FRMD4A: variants seen among roughly 807,000 people sequenced by gnomAD.
FRMD4A encodes the protein FERM domain-containing protein 4A.
Under a neutral mutation model 129.1 loss-of-function variants are expected in FRMD4A, and 29 were observed. The ratio of observed to expected loss-of-function variants is 0.22; its 90% confidence interval spans 0.17 to 0.31. FRMD4A has a LOEUF of 0.31. Ranked by LOEUF, FRMD4A falls within the 10% of genes least tolerant of loss-of-function variation. FRMD4A has a pLI of 1.00. For synonymous variants in FRMD4A, 634 were observed against 571.6 expected, an observed-to-expected ratio of 1.11 and a Z score of -1.56; for missense variants, 1,272 against 1,375.8, an observed-to-expected ratio of 0.92 and a Z score of 1.19.
chr10:13,939,926 T>G (rs1422113752), intron 2 of FRMD4A, among the ~76,000 whole-genome samples: 1 of 152,204 alleles, frequency 6.6e-6, no homozygotes, highest in East Asian at 1.9e-4. Flanking sequence ...GATACACATT[T>G]GTAAGGTGTA....
At chr10:14,081,677 A>T (rs1025951809) in intron 2 of FRMD4A, among the ~76,000 whole-genome samples, 1 of 152,240 alleles carries the variant, frequency 6.6e-6, no homozygotes, top group Non-Finnish European at 1.5e-5. Flanking sequence ...TATCATGCAA[A>T]GCTCTGTGCC....
chr10:14,262,433 A>G (rs879465446), intron 2 of FRMD4A, among the ~76,000 whole-genome samples: 9 of 152,220 alleles, frequency 5.9e-5, no homozygotes, highest in Admixed American at 5.9e-4. Flanking sequence ...TTATATAGAA[A>G]TATTAGTAAT....
intron 15 of FRMD4A, chr10:13,693,507 G>A: frequency 8.5e-7 from 1 of 1,172,666 alleles, no homozygotes; most frequent in South Asian, 1.7e-5. Flanking sequence ...AGTGTCTCCT[G>A]GCACCAGATC....
intron 2 of FRMD4A, among the ~76,000 whole-genome samples, chr10:13,923,234 A>G (rs1672523290): frequency 6.6e-6 from 1 of 152,230 alleles, no homozygotes; most frequent in Non-Finnish European, 1.5e-5. Context: ...GATGATGTTT[A>G]AGGCCAAATC....
intron 5 of FRMD4A, among the ~76,000 whole-genome samples, chr10:13,784,692 G>T (rs1161293845): frequency 6.6e-6 from 1 of 152,094 alleles, no homozygotes; most frequent in Non-Finnish European, 1.5e-5. Flanking sequence ...AAGATAAAAG[G>T]ATTTATCCAT....
intron 16 of FRMD4A, among the ~76,000 whole-genome samples, chr10:13,673,601 C>T (rs541691350): frequency 6.6e-6 from 1 of 151,570 alleles, no homozygotes; most frequent in East Asian, 1.9e-4. Context: ...CACACACACA[C>T]ACACAGAGTC....
At chr10:13,804,631 G>A (rs1415169299) in intron 4 of FRMD4A, among the ~76,000 whole-genome samples, 2 of 151,512 alleles carry the variant, frequency 1.3e-5, no homozygotes, top group Admixed American at 6.6e-5. Flanking sequence ...GCAATCTCCC[G>A]CCTCCCGGGT....
At chr10:14,143,088 C>CA (rs967871365) in intron 2 of FRMD4A, among the ~76,000 whole-genome samples, 3 of 151,954 alleles carry the variant, frequency 2.0e-5, no homozygotes, top group South Asian at 2.1e-4. Context: ...GGTGGTTTCT[C>CA]AAAAAAATAA....
chr10:14,125,539 T>C (rs1453624334), intron 2 of FRMD4A, among the ~76,000 whole-genome samples: 5 of 152,172 alleles, frequency 3.3e-5, no homozygotes, highest in African/African-American at 4.8e-5. Context: ...AGAGGAACAA[T>C]CTGGGTGAGA....
intron 2 of FRMD4A, among the ~76,000 whole-genome samples, chr10:14,209,088 C>T (rs1456681550): frequency 2.6e-5 from 4 of 152,026 alleles, no homozygotes; most frequent in Admixed American, 6.5e-5. Flanking sequence ...GGATTCCTCC[C>T]GGAATCCTTC....
At chr10:13,682,699 A>G (rs1175877120) in intron 15 of FRMD4A, among the ~76,000 whole-genome samples, 3 of 151,772 alleles carry the variant, frequency 2.0e-5, no homozygotes, top group African/African-American at 4.8e-5. Context: ...TGGGGTTAGT[A>G]GAGATATAGT....
At chr10:14,267,844 A>G (rs1845030484) in intron 2 of FRMD4A, among the ~76,000 whole-genome samples, 1 of 152,202 alleles carries the variant, frequency 6.6e-6, no homozygotes, top group Non-Finnish European at 1.5e-5. Context: ...TAGATACCTA[A>G]TCACTCTGTA....
chr10:13,843,276 T>C (rs2093995503), intron 3 of FRMD4A, among the ~76,000 whole-genome samples: 1 of 152,142 alleles, frequency 6.6e-6, no homozygotes, highest in Non-Finnish European at 1.5e-5. Context: ...ACATCTCAAG[T>C]GACACTGAGG....
chr10:13,883,019 G>A (rs1400503856), intron 2 of FRMD4A, among the ~76,000 whole-genome samples: 1 of 151,850 alleles, frequency 6.6e-6, no homozygotes, highest in Non-Finnish European at 1.5e-5. Context: ...GGCCAGGCTG[G>A]TCTCGAACTT....
At chr10:14,268,353 A>T (rs1845049666) in intron 2 of FRMD4A, among the ~76,000 whole-genome samples, 1 of 152,238 alleles carries the variant, frequency 6.6e-6, no homozygotes, top group Admixed American at 6.5e-5. Context: ...TGCCCACGAC[A>T]GATCATTGAA....
At chr10:14,058,543 GA>G (rs950367262) in intron 2 of FRMD4A, among the ~76,000 whole-genome samples, 1 of 152,054 alleles carries the variant, frequency 6.6e-6, no homozygotes, top group Non-Finnish European at 1.5e-5. Flanking sequence ...GTAAAAACTA[GA>G]AAAAAATGAC....
At chr10:13,855,363 C>G (rs892997398) in intron 3 of FRMD4A, among the ~76,000 whole-genome samples, 6 of 152,120 alleles carry the variant, frequency 3.9e-5, no homozygotes, top group African/African-American at 1.4e-4. Flanking sequence ...TGAGGTATAG[C>G]CTTTGATGAG....
At position 13,684,561 on chromosome 10, in the gene FRMD4A, G is replaced by A. The variant is rs976726189; in HGVS notation, c.1117+9337C>T. On this transcript the variant is annotated intron_variant, in intron 15 of 24. Transcript: ENST00000357447. ...CGGCCGGCAGACACATGGAAGGACA[G>A]CCTCTTTCAGCCTCATTCAGCCGCG... 4 of 985,498 alleles carry A rather than the reference G, an allele frequency of 4.1e-6. No individual in the cohort carries two copies. In the African/African-American group the frequency reaches 5.2e-5, roughly 13 times the overall value. 61.0% of individuals were successfully genotyped at this position (985,498 alleles called of 1,614,324 possible).
At chr10:14,075,273 G>T (rs1835519740) in intron 2 of FRMD4A, among the ~76,000 whole-genome samples, 1 of 152,158 alleles carries the variant, frequency 6.6e-6, no homozygotes, top group South Asian at 2.1e-4. Flanking sequence ...TTACTATATT[G>T]AGAAGAGGAA....
Sources: allele counts gnomAD v4.1 joint callset (sites outside exome capture counted in the v4.1 genomes callset), GRCh38; gene constraint gnomAD v4.1.1; transcripts MANE v1.5; gene names NCBI Gene and HGNC (gene_info 2026-07-23, HGNC 2026-07-21).